Variants in PHC1 observed in about 807,000 individuals in gnomAD.
PHC1 encodes polyhomeotic-like protein 1.
A neutral mutation model predicts 104.3 loss-of-function variants in PHC1; 12 were observed. That is an observed-to-expected ratio of 0.12 (90% CI 0.07 to 0.19). The LOEUF (loss-of-function observed/expected upper bound fraction) is 0.19, where lower values mean the gene tolerates loss of function less well. Ranked by LOEUF, PHC1 falls within the 10% of genes least tolerant of loss-of-function variation. The pLI is 1.00. For synonymous variants in PHC1, 302 were observed against 455.8 expected, an observed-to-expected ratio of 0.66 and a Z score of 4.30; for missense variants, 671 against 1,200.0, an observed-to-expected ratio of 0.56 and a Z score of 6.51.
chr12:8,930,967 C>G (rs746924917), intron 7 of PHC1, 40 bp downstream of exon 7: 26 of 1,547,170 alleles, frequency 1.7e-5, no homozygotes, highest in Non-Finnish European at 2.2e-5. Context: ...TCTCAGAATT[C>G]ATGTGAAATT....
chr12:8,935,210 C>A lies in PHC1; in HGVS notation c.2340C>A (p.Gly780=), dbSNP rs1262617926. ...GGCTGACTGAGAATCAGTCAGGTGG[C>A]CCTTTGGGAGTGGACAGCCCATCTG... ...PTGLTENQSG[G]PLGVDSPSAE... Residue 780 remains glycine (G), a synonymous_variant, in exon 11 of 15, where the codon GGC becomes GGA. Coordinates refer to ENST00000544916, the MANE Select transcript of PHC1 (RefSeq NM_004426.3). 3.2e-6 allele frequency: 5 copies of A among 1,583,446 alleles called. No individual in the cohort carries two copies. In the Admixed American group the frequency reaches 5.2e-5, roughly 17 times the overall value.
chr12:8,918,345 A>G (rs1170986945), intron 2 of PHC1, among the ~76,000 whole-genome samples: 1 of 152,258 alleles, frequency 6.6e-6, no homozygotes, highest in African/African-American at 2.4e-5. Context: ...CTGATATGTA[A>G]AAATGCCAAT....
Position 8,933,861 on chromosome 12 carries a change from A to G in PHC1, c.1894-4A>G. 6.2e-7 allele frequency: 1 copy of G among 1,612,054 alleles called. No homozygotes were observed. Among genetic ancestry groups the G allele is most frequent in the Non-Finnish European group, 8.5e-7 (1 of 1,178,104 alleles). ...TTGTTTCTTTCCTATTCTTTACGGT[A>G]TAGGGTAAACCCCAGACATTGGCTG... On this transcript the variant is annotated splice_polypyrimidine_tract_variant and splice_region_variant and intron_variant, in intron 8 of 14. Coordinates refer to ENST00000544916, the MANE Select transcript of PHC1 (RefSeq NM_004426.3).
At position 8,914,544 on chromosome 12, in the gene PHC1, C is replaced by T. The variant is rs1485505200; in HGVS notation, c.-332C>T. The T allele has an allele frequency of 4.0e-5, 6 of 151,612 alleles. No homozygotes were observed. The highest frequency in any genetic ancestry group is 1.2e-4 in the African/African-American group (5 of 41,360). The allele number at this position is 151,612 out of a possible 1,614,324, so 9.4% of individuals were successfully genotyped here. ...GCAGCCCCTGGCCTGCGGCCCCCAC[C>T]TTCTCGGCCGGGCAGGAAGTGACAG... is the stretch of plus-strand genomic sequence containing the variant. On this transcript the variant is annotated 5_prime_UTR_variant, in exon 1 of 15. Transcript: ENST00000544916.
chr12:8,927,042 A>G (rs1400149880), intron 6 of PHC1, among the ~76,000 whole-genome samples: 2 of 152,232 alleles, frequency 1.3e-5, no homozygotes, highest in Non-Finnish European at 2.9e-5. Flanking sequence ...GTGGGCTGAC[A>G]GAGGCGAATG....
intron 6 of PHC1, 105 bp downstream of exon 6, chr12:8,922,893 T>G: frequency 1.0e-6 from 1 of 992,006 alleles, no homozygotes; most frequent in Non-Finnish European, 1.5e-6. Flanking sequence ...TCAGAATTCT[T>G]ACTTTTTGTG....
intron 1 of PHC1, among the ~76,000 whole-genome samples, chr12:8,916,249 C>A (rs767496685): frequency 1.3e-5 from 2 of 152,190 alleles, no homozygotes; most frequent in African/African-American, 4.8e-5. Flanking sequence ...TTGGATGATA[C>A]TGGGAATGAG....
chr12:8,919,644 C>G lies in PHC1; in HGVS notation c.115-112C>G. On this transcript the variant is annotated intron_variant, in intron 2 of 14. Transcript: ENST00000544916. This position sits in a 1 kb window ranked among gnomAD's most constrained non-coding sequence, Gnocchi z 4.9. ...TTGACGATTTAGCCCAAACTCCCAT[C>G]TCCTCTGGTTTCTGTCCTTCCCATG... 3 of 1,085,118 alleles carry G rather than the reference C, an allele frequency of 2.8e-6. No homozygotes were observed. The highest frequency in any genetic ancestry group is 4.0e-6 in the Non-Finnish European group (3 of 754,074). 67.2% of individuals were successfully genotyped at this position (1,085,118 alleles called of 1,614,324 possible). A position where few individuals can be genotyped will look rare whatever the true frequency, so the allele number is the denominator to read the frequency against.
At chr12:8,918,913 C>A (rs139885529) in intron 2 of PHC1, among the ~76,000 whole-genome samples, 1 of 152,206 alleles carries the variant, frequency 6.6e-6, no homozygotes, top group East Asian at 1.9e-4. Context: ...GTAGCCTACT[C>A]CGTACCTAGG....
At chr12:8,926,922 A>G (rs999305365) in intron 6 of PHC1, among the ~76,000 whole-genome samples, 1 of 151,974 alleles carries the variant, frequency 6.6e-6, no homozygotes, top group East Asian at 1.9e-4. Flanking sequence ...TCTTAAAAAA[A>G]AAAATGTTTG....
Position 8,930,488 on chromosome 12 carries a change from G to T in PHC1, c.666G>T (p.Met222Ile). 6.4e-7 allele frequency: 1 copy of T among 1,573,620 alleles called. No individual in the cohort carries two copies. The highest frequency in any genetic ancestry group is 8.6e-7 in the Non-Finnish European group (1 of 1,159,180). Residue 222 changes from methionine to isoleucine, a missense_variant, in exon 7 of 15, where the codon ATG becomes ATT. Around this residue, in one of 9 missense-constraint regions of PHC1, gnomAD observed 237 missense variants for 331.1 expected, o/e 0.72. Transcript: ENST00000544916. Reference protein sequence around the residue: ...NQQASAQGPQMQGSTQKAIPP... With the variant: ...NQQASAQGPQIQGSTQKAIPP... ...AGGCCTCAGCTCAAGGACCTCAGATGCAAGGCTCCACTCAGAAGGCCATTC... is the reference window on the plus strand; with the variant it reads ...AGGCCTCAGCTCAAGGACCTCAGATTCAAGGCTCCACTCAGAAGGCCATTC...
intron 12 of PHC1, 78 bp from the exon 13 acceptor site, chr12:8,937,098 C>A (rs1945859313): frequency 1.3e-6 from 2 of 1,509,806 alleles, no homozygotes; most frequent in East Asian, 2.3e-5. Flanking sequence ...CAAATCAGCT[C>A]ATAAGCAGAA....
At chr12:8,937,419 A>G in intron 13 of PHC1, 93 bp downstream of exon 13, 1 of 1,178,304 alleles carries the variant, frequency 8.5e-7, no homozygotes, top group Non-Finnish European at 1.2e-6. Context: ...AGAGGGTGTG[A>G]GATGAGAACT....
upstream of PHC1, chr12:8,914,010 C>T (rs1055074283): frequency 1.3e-5 from 2 of 152,690 alleles, no homozygotes; most frequent in African/African-American, 4.8e-5. Context: ...GTTTTTCTCG[C>T]CTTTTCCTTC....
chr12:8,935,715 A>G (rs947894232), intron 11 of PHC1, among the ~76,000 whole-genome samples: 2 of 152,176 alleles, frequency 1.3e-5, no homozygotes, highest in African/African-American at 4.8e-5. Context: ...AAGGAATTAC[A>G]TAAGGTGAGG....
chr12:8,933,432 T>C, intron 8 of PHC1, 82 bp downstream of exon 8: 1 of 1,419,270 alleles, frequency 7.0e-7, no homozygotes, highest in East Asian at 2.5e-5. Flanking sequence ...CTTAATTGAA[T>C]AGGGGAATAA....
rs749873925 is a variant in PHC1 at position 8,934,324 on chromosome 12, C to G, written c.2099C>G (p.Ala700Gly). Residue 700 changes from alanine (A) to glycine (G), a missense_variant, in exon 10 of 15, where the codon GCC (alanine) becomes GGC (glycine). Transcript: ENST00000544916. Reference protein sequence around the residue: ...NANTPSSELVALTPAPSVPPP... With the variant: ...NANTPSSELVGLTPAPSVPPP... ...AATACTCCAAGCAGTGAACTAGTAG[C>G]CTTGACCCCCGCCCCTTCAGTACCG... 6.8e-6 allele frequency: 11 copies of G among 1,613,950 alleles called. No homozygotes were observed. In the Middle Eastern group the frequency reaches 4.9e-4, roughly 72 times the overall value.
intron 2 of PHC1, 36 bp downstream of exon 2, chr12:8,917,827 T>C: frequency 5.4e-6 from 6 of 1,120,702 alleles, no homozygotes; most frequent in Non-Finnish European, 7.8e-6. Context: ...GGTCTGTGAG[T>C]CTTGGCTTGT....
chr12:8,919,892 C>T lies in PHC1; in HGVS notation c.225+26C>T, dbSNP rs369374803. The T allele has an allele frequency of 4.4e-5, 69 of 1,586,052 alleles. No individual in the cohort carries two copies. The highest frequency in any genetic ancestry group is 2.5e-4 in the African/African-American group (19 of 74,652). On this transcript the variant is annotated intron_variant, in intron 3 of 14. Coordinates refer to ENST00000544916, the MANE Select transcript of PHC1 (RefSeq NM_004426.3). The surrounding 1 kb of genome is among the most constrained non-coding windows in gnomAD (Gnocchi z 4.9). ...GTGAGAGGTCAGCAGCCAGCTGGCC[C>T]GAGAGGGAGGGGACAGGCACTACAG...
Sources: allele counts gnomAD v4.1 joint callset (sites outside exome capture counted in the v4.1 genomes callset), GRCh38; gene constraint gnomAD v4.1.1; regional missense constraint gnomAD v4.1.1; non-coding constraint Gnocchi (gnomAD v3.1); transcripts MANE v1.5; gene names NCBI Gene and HGNC (gene_info 2026-07-23, HGNC 2026-07-21).